HFM1: variants seen among roughly 807,000 people sequenced by gnomAD.
HFM1 encodes the protein helicase for meiosis 1.
HFM1 carries 169 observed loss-of-function variants against 192.1 expected under a neutral mutation model. The observed-to-expected ratio is 0.88, with a 90% confidence interval of 0.78 to 1.00. HFM1 has a LOEUF of 1.00. HFM1 is among the 50% of genes least tolerant of loss of function. The probability of loss-of-function intolerance (pLI) is 0.00; values close to 1 mark genes in which losing one functional copy is unlikely to be tolerated. For missense variants in HFM1, 1,661 were observed against 1,668.0 expected (o/e 1.00, Z 0.07); for synonymous variants, 525 against 537.8 (o/e 0.98, Z 0.33).
chr1:91,392,609 G>A (rs1663143317), intron 4 of HFM1, among the ~76,000 whole-genome samples: 1 of 152,096 alleles, frequency 6.6e-6, no homozygotes, highest in Non-Finnish European at 1.5e-5. Context: ...GGTTGGGGGT[G>A]GGGAAGGGAT....
At chr1:91,312,201 G>T (rs1650567275) in intron 30 of HFM1, among the ~76,000 whole-genome samples, 1 of 152,126 alleles carries the variant, frequency 6.6e-6, no homozygotes, top group South Asian at 2.1e-4. Flanking sequence ...AGTCTCTAGT[G>T]GGGTGCTGCC....
chr1:91,367,274 C>T (rs560280246), intron 13 of HFM1, among the ~76,000 whole-genome samples: 39 of 152,320 alleles, frequency 2.6e-4, no homozygotes, highest in Non-Finnish European at 4.0e-4. Context: ...TCTCCCAGCA[C>T]GCAGCTTGAG....
At chr1:91,354,523 G>A (rs1353817104) in intron 13 of HFM1, among the ~76,000 whole-genome samples, 1 of 151,968 alleles carries the variant, frequency 6.6e-6, no homozygotes, top group Non-Finnish European at 1.5e-5. Flanking sequence ...ACCCAAAAAG[G>A]TCCTCACTGA....
chr1:91,380,225 T>C lies in HFM1; in HGVS notation c.885A>G (p.Thr295=). 6.5e-7 allele frequency: 1 copy of C among 1,548,322 alleles called. No individual in the cohort carries two copies. Among genetic ancestry groups the C allele is most frequent in the African/African-American group, 1.4e-5 (1 of 71,646 alleles). ...GAGCACAAATCACAAAATTCCTATC[T>C]GTGTAAAGAAGCTAAAAAATAAAAA... ...QSKAFDDLLY[T]DRNFVICAPT... is the part of the protein sequence containing the mutation. The change falls in exon 8 of 39, where the codon ACA becomes ACG. Residue 295 remains threonine (T), a synonymous_variant. Coordinates refer to ENST00000370425, the MANE Select transcript of HFM1 (RefSeq NM_001017975.6).
chr1:91,311,177 T>C (rs1320761802), intron 30 of HFM1, among the ~76,000 whole-genome samples: 2 of 152,162 alleles, frequency 1.3e-5, no homozygotes, highest in African/African-American at 4.8e-5. Context: ...GTGACTCTTG[T>C]TACGTTTTAG....
intron 13 of HFM1, among the ~76,000 whole-genome samples, chr1:91,369,103 T>C (rs1190797579): frequency 1.3e-5 from 2 of 152,016 alleles, no homozygotes; most frequent in East Asian, 1.9e-4. Flanking sequence ...ATAAAGCAAG[T>C]CCTTAGAGAC....
intron 13 of HFM1, among the ~76,000 whole-genome samples, chr1:91,364,723 C>G (rs4084488): frequency 0.092 from 13,631 of 148,108 alleles, 668 homozygotes; most frequent in East Asian, 0.16. Context: ...AGCTCTGCCC[C>G]CCGGGGTTCA....
chr1:91,370,542 C>T lies in HFM1; in HGVS notation c.1685+4816G>A, dbSNP rs556708371. 5.3e-5 allele frequency among the ~76,000 whole-genome samples: 8 copies of T among 152,116 alleles called. No homozygotes were observed. In the East Asian group the frequency reaches 1.6e-3, roughly 30 times the overall value. On this transcript the variant is annotated intron_variant, in intron 13 of 38. Coordinates refer to ENST00000370425, the MANE Select transcript of HFM1 (RefSeq NM_001017975.6). ...AAGGCCTTTGACAAAATTCAACAACCCTTCATGCTAAAAACTCTCAATAAA... is the reference window on the plus strand; with the variant it reads ...AAGGCCTTTGACAAAATTCAACAACTCTTCATGCTAAAAACTCTCAATAAA...
chr1:91,284,751 T>G (rs558592508), intron 30 of HFM1, among the ~76,000 whole-genome samples: 1 of 152,224 alleles, frequency 6.6e-6, no homozygotes, highest in African/African-American at 2.4e-5. Context: ...CTTAAAAATA[T>G]GTCTCACATT....
intron 4 of HFM1, among the ~76,000 whole-genome samples, chr1:91,391,333 G>A (rs1042887759): frequency 1.3e-4 from 20 of 152,248 alleles, no homozygotes; most frequent in Middle Eastern, 3.4e-3. Context: ...GAGGCATCAC[G>A]CTACCTAACT....
At chr1:91,273,676 A>G (rs1666528802) in intron 34 of HFM1, 36 bp downstream of exon 34, 1 of 1,060,084 alleles carries the variant, frequency 9.4e-7, no homozygotes. Context: ...ATAATAAGCC[A>G]TTTACTCTCT....
At chr1:91,366,066 C>T (rs2101875356) in intron 13 of HFM1, among the ~76,000 whole-genome samples, 1 of 151,304 alleles carries the variant, frequency 6.6e-6, no homozygotes, top group East Asian at 1.9e-4. Context: ...GAGAAACTTT[C>T]CATTAGTAAC....
chr1:91,266,353 G>A (rs1164635663), intron 35 of HFM1, among the ~76,000 whole-genome samples: 1 of 152,102 alleles, frequency 6.6e-6, no homozygotes, highest in African/African-American at 2.4e-5. Flanking sequence ...CCTGTGTTGT[G>A]GTAAAATACG....
At chr1:91,312,103 A>G (rs1379698582) in intron 30 of HFM1, among the ~76,000 whole-genome samples, 3 of 152,220 alleles carry the variant, frequency 2.0e-5, no homozygotes. Context: ...ATGCCCAGGC[A>G]AAAGTTTGCT....
intron 20 of HFM1, among the ~76,000 whole-genome samples, chr1:91,340,194 G>C (rs144872920): frequency 3.0e-4 from 46 of 152,144 alleles, no homozygotes; most frequent in African/African-American, 1.0e-3. Context: ...ATTTTTTGTA[G>C]AGACAAGGTG....
chr1:91,283,781 G>A (rs940669308), intron 30 of HFM1, among the ~76,000 whole-genome samples: 3 of 151,878 alleles, frequency 2.0e-5, no homozygotes, highest in African/African-American at 7.3e-5. Flanking sequence ...CAGGTGGCGG[G>A]GCAAGGGTCA....
intron 34 of HFM1, among the ~76,000 whole-genome samples, chr1:91,271,649 C>A (rs1197588074): frequency 2.0e-5 from 3 of 151,480 alleles, no homozygotes; most frequent in African/African-American, 7.3e-5. Flanking sequence ...AGATATGCCT[C>A]GAGTGGAAGA....
intron 20 of HFM1, among the ~76,000 whole-genome samples, chr1:91,335,654 T>A (rs1264487447): frequency 6.6e-6 from 1 of 151,976 alleles, no homozygotes; most frequent in African/African-American, 2.4e-5. Flanking sequence ...TAACAGGAAA[T>A]TCAGGATATT....
At position 91,375,543 on chromosome 1, in the gene HFM1, T is replaced by A; in HGVS notation, c.1580A>T (p.Gln527Leu). 2 of 1,613,358 alleles carry A rather than the reference T, an allele frequency of 1.2e-6. No individual in the cohort carries two copies. The highest frequency in any genetic ancestry group is 1.7e-6 in the Non-Finnish European group (2 of 1,179,480). Residue 527 changes from glutamine to leucine, a missense_variant, in exon 12 of 39, where the codon CAG becomes CTG. By Grantham distance (113) the Gln-to-Leu change is moderately radical. Coordinates refer to ENST00000370425, the MANE Select transcript of HFM1 (RefSeq NM_001017975.6). ...IASVIQMYSD[Q>L]KPTLVFCATR... ...AATCCATACCACAAGTGTGGGTTTC[T>A]GATCAGAGTACATTTGTATAACACT...
Sources: allele counts gnomAD v4.1 joint callset (sites outside exome capture counted in the v4.1 genomes callset), GRCh38; gene constraint gnomAD v4.1.1; transcripts MANE v1.5; gene names NCBI Gene and HGNC (gene_info 2026-07-23, HGNC 2026-07-21).